The following EML4 variants were observed in gnomAD, a reference collection of about 807,000 sequenced individuals.
EML4 encodes EMAP like 4.
In EML4, 72 loss-of-function variants were observed where a neutral mutation model predicts 129.0. That is an observed-to-expected ratio of 0.56 (90% confidence interval 0.46 to 0.68). The LOEUF (loss-of-function observed/expected upper bound fraction) is 0.68. EML4 is among the 30% of genes least tolerant of loss of function. The pLI is 0.00. For synonymous variants in EML4, 532 were observed against 405.0 expected (o/e 1.31, Z -3.77); for missense variants, 1,363 against 1,190.6 (o/e 1.14, Z -2.13).
chr2:42,203,234 A>G (rs1180781873), intron 1 of EML4, among the ~76,000 whole-genome samples: 3 of 152,222 alleles, frequency 2.0e-5, no homozygotes, highest in African/African-American at 4.8e-5. Context: ...ACCAGTTAAA[A>G]GAAAACTTAA....
At position 42,330,328 on chromosome 2, in the gene EML4, T is replaced by C; in HGVS notation, c.*121T>C. The C allele has an allele frequency of 1.1e-6, 1 of 873,618 alleles. No individual in the cohort carries two copies. Among genetic ancestry groups the C allele is most frequent in the Non-Finnish European group, 1.9e-6 (1 of 537,876 alleles). 54.1% of individuals were successfully genotyped at this position (873,618 alleles called of 1,614,324 possible). A position where few individuals can be genotyped will look rare whatever the true frequency, so the allele number is the denominator to read the frequency against. ...GATTGAGATTTTGGTTTCCATGTGATTTGTTTTCTTCAATAGTCTTATTTT... is the reference window on the plus strand; with the variant it reads ...GATTGAGATTTTGGTTTCCATGTGACTTGTTTTCTTCAATAGTCTTATTTT... On this transcript the variant is annotated 3_prime_UTR_variant, in exon 23 of 23. Coordinates refer to ENST00000318522, the MANE Select transcript of EML4 (RefSeq NM_019063.5).
At chr2:42,230,106 C>T (rs563777258) in intron 1 of EML4, among the ~76,000 whole-genome samples, 2 of 152,166 alleles carry the variant, frequency 1.3e-5, no homozygotes, top group Non-Finnish European at 2.9e-5. Context: ...TAGTCCTATG[C>T]ATGTCACCAA....
Position 42,284,715 on chromosome 2 carries a change from A to G in EML4, c.1011+12A>G, listed in dbSNP as rs772386597. Reference sequence around the variant, plus strand: ...ATAAAGATGGAAGGGTGAGTGGCATAGTGTTATGCCTTCTGTACCTAGAGA... The same window carrying G: ...ATAAAGATGGAAGGGTGAGTGGCATGGTGTTATGCCTTCTGTACCTAGAGA... On this transcript the variant is annotated intron_variant, in intron 9 of 22. Coordinates refer to ENST00000318522, the MANE Select transcript of EML4 (RefSeq NM_019063.5). The G allele has an allele frequency of 3.7e-6, 6 of 1,603,400 alleles. No homozygotes were observed. In the Admixed American group the frequency reaches 5.1e-5, roughly 14 times the overall value.
At position 42,197,024 on chromosome 2, in the gene EML4, G is replaced by A. The variant is rs564270733; in HGVS notation, c.25+27388G>A. Among the ~76,000 whole-genome samples, 168 of 152,286 alleles carry A rather than the reference G, an allele frequency of 1.1e-3. 2 individuals carry two copies. In the South Asian group the frequency reaches 0.023, roughly 21 times the overall value. On this transcript the variant is annotated intron_variant, in intron 1 of 22. Coordinates refer to ENST00000318522, the MANE Select transcript of EML4 (RefSeq NM_019063.5). ...TAGAAGAGCCCTGCAGAAATGAAAA[G>A]CCATGCTAGGAATCAAAGTAAATGT...
At chr2:42,328,573 G>C (rs1018415093) in intron 21 of EML4, among the ~76,000 whole-genome samples, 2 of 152,208 alleles carry the variant, frequency 1.3e-5, no homozygotes, top group Non-Finnish European at 2.9e-5. Flanking sequence ...AGAGCTTATT[G>C]CTGAGGTGTA....
At chr2:42,269,505 A>G (rs1666252817) in intron 6 of EML4, among the ~76,000 whole-genome samples, 1 of 152,220 alleles carries the variant, frequency 6.6e-6, no homozygotes, top group South Asian at 2.1e-4. Context: ...TTCATGCTCC[A>G]TAGACAAAAC....
At chr2:42,192,645 A>G (rs976236391) in intron 1 of EML4, among the ~76,000 whole-genome samples, 21 of 152,276 alleles carry the variant, frequency 1.4e-4, no homozygotes, top group African/African-American at 4.1e-4. Flanking sequence ...TTTGATTGCA[A>G]TATGAAGAGT....
At chr2:42,261,571 A>G (rs1665739373) in intron 4 of EML4, 2 of 266,072 alleles carry the variant, frequency 7.5e-6, no homozygotes, top group Non-Finnish European at 1.4e-5. Flanking sequence ...TCGAAAACCA[A>G]ACAATATTTT....
chr2:42,228,220 CA>C (rs35772596), intron 1 of EML4, among the ~76,000 whole-genome samples: 26,355 of 143,230 alleles, frequency 0.18, 2,583 homozygotes, highest in African/African-American at 0.3. Flanking sequence ...GACTCTGTCT[CA>C]AAAAAAAAAA....
intron 1 of EML4, among the ~76,000 whole-genome samples, chr2:42,237,187 G>A (rs1294161933): frequency 6.6e-6 from 1 of 151,926 alleles, no homozygotes; most frequent in Non-Finnish European, 1.5e-5. Flanking sequence ...CTCCTCCCTC[G>A]GCCTCCTAAA....
intron 1 of EML4, among the ~76,000 whole-genome samples, chr2:42,238,704 A>C (rs1558529180): frequency 6.6e-6 from 1 of 152,140 alleles, no homozygotes; most frequent in Non-Finnish European, 1.5e-5. Context: ...TGCAGCCTTG[A>C]ACTGGGCTCA....
intron 19 of EML4, among the ~76,000 whole-genome samples, chr2:42,318,505 T>C (rs1474653590): frequency 6.6e-6 from 1 of 152,212 alleles, no homozygotes; most frequent in African/African-American, 2.4e-5. Flanking sequence ...CTTCAGAGTT[T>C]AGAATTTGTC....
At chr2:42,261,560 G>C (rs1161306665) in intron 4 of EML4, 1 of 286,272 alleles carries the variant, frequency 3.5e-6, no homozygotes, top group African/African-American at 2.2e-5. Context: ...GAATAACCTA[G>C]TCGAAAACCA....
At chr2:42,244,094 GTTTTTTGTTTT>G (rs1558534191) in intron 1 of EML4, among the ~76,000 whole-genome samples, 99 of 44,954 alleles carry the variant, frequency 2.2e-3, no homozygotes, top group African/African-American at 7.7e-3. Flanking sequence ...TTTTGTTTTT[GTTTTTTGTTTT>G]TTTTTTTTTT....
chr2:42,187,401 T>C (rs551558832), intron 1 of EML4, among the ~76,000 whole-genome samples: 3 of 152,278 alleles, frequency 2.0e-5, no homozygotes, highest in Admixed American at 6.5e-5. Flanking sequence ...TCTGTGGTCT[T>C]TTTTGTGCTT....
At chr2:42,285,696 T>G (rs1667264346) in intron 9 of EML4, among the ~76,000 whole-genome samples, 1 of 151,856 alleles carries the variant, frequency 6.6e-6, no homozygotes, top group Admixed American at 6.6e-5. Context: ...TCTCCCAGGT[T>G]CAAGCAATTC....
chr2:42,211,189 C>G (rs1672865612), intron 1 of EML4, among the ~76,000 whole-genome samples: 1 of 152,108 alleles, frequency 6.6e-6, no homozygotes, highest in African/African-American at 2.4e-5. Flanking sequence ...GGTCTCCCAT[C>G]ATGAAGGGGC....
intron 2 of EML4, among the ~76,000 whole-genome samples, 187 bp downstream of exon 2, chr2:42,245,874 T>G (rs1675371837): frequency 6.6e-6 from 1 of 152,236 alleles, no homozygotes; most frequent in African/African-American, 2.4e-5. Flanking sequence ...TAAAGAATTT[T>G]TGTGTAATCC....
At chr2:42,298,276 G>T (rs1448503705) in intron 13 of EML4, among the ~76,000 whole-genome samples, 1 of 152,154 alleles carries the variant, frequency 6.6e-6, no homozygotes, top group South Asian at 2.1e-4. Flanking sequence ...TCTTTATTTG[G>T]CAGGCAGTGT....
Sources: gnomAD v4.1 joint callset for allele counts (sites outside exome capture counted in the v4.1 genomes callset) on GRCh38, gnomAD v4.1.1 for gene constraint, MANE v1.5 for transcripts, NCBI Gene and HGNC (gene_info 2026-07-23, HGNC 2026-07-21) for gene names.